Variants in NSUN2 observed in about 807,000 individuals in gnomAD.
NSUN2 encodes the protein RNA cytosine C(5)-methyltransferase NSUN2.
A neutral mutation model predicts 92.7 loss-of-function variants in NSUN2; 63 were observed. The observed-to-expected ratio is 0.68, with a 90% confidence interval of 0.56 to 0.84. The LOEUF (loss-of-function observed/expected upper bound fraction) is 0.84, where lower values mean the gene tolerates loss of function less well. Ranked by LOEUF, NSUN2 falls within the 40% of genes least tolerant of loss-of-function variation. NSUN2 has a pLI of 0.00. For synonymous variants in NSUN2, 356 were observed against 348.3 expected (o/e 1.02, Z -0.25); for missense variants, 989 against 964.9 (o/e 1.02, Z -0.33).
At chr5:6,622,955 T>C (rs1737509441) in intron 5 of NSUN2, among the ~76,000 whole-genome samples, 1 of 145,466 alleles carries the variant, frequency 6.9e-6, no homozygotes, top group Admixed American at 7.0e-5. Context: ...CCAATCACCA[T>C]CACTGAAGAC....
intron 9 of NSUN2, among the ~76,000 whole-genome samples, chr5:6,614,531 A>C (rs1048377613): frequency 3.3e-5 from 5 of 152,156 alleles, no homozygotes; most frequent in African/African-American, 9.7e-5. Context: ...GGTTTTCAGG[A>C]GAATGATGGT....
At position 6,620,565 on chromosome 5, in the gene NSUN2, A is replaced by G. The variant is rs1737395378; in HGVS notation, c.623-267T>C. 3 of 327,308 alleles carry G rather than the reference A, an allele frequency of 9.2e-6. No homozygotes were observed. In the East Asian group the frequency reaches 1.5e-4, roughly 16 times the overall value. The allele number at this position is 327,308 out of a possible 1,614,324, so 20.3% of individuals were successfully genotyped here. A position where few individuals can be genotyped will look rare whatever the true frequency, so the allele number is the denominator to read the frequency against. ...CTTTGTGCCAATTACCATGCCAAAA[A>G]TGTCTTTTCTGTTATTAGTAACGAT... On this transcript the variant is annotated intron_variant, in intron 6 of 18. Transcript: ENST00000264670.
At chr5:6,607,473 C>CATCAGTT in intron 12 of NSUN2, 89 bp from the exon 13 acceptor site, 1 of 1,133,934 alleles carries the variant, frequency 8.8e-7, no homozygotes, top group South Asian at 1.6e-5. Flanking sequence ...TCACAAAATC[C>CATCAGTT]ATCAGTTATA....
intron 14 of NSUN2, 37 bp downstream of exon 14, chr5:6,606,783 T>G: frequency 8.6e-7 from 1 of 1,168,902 alleles, no homozygotes; most frequent in African/African-American, 1.5e-5. Context: ...TATAGTAAAT[T>G]TCTTTAAATG....
intron 9 of NSUN2, among the ~76,000 whole-genome samples, chr5:6,612,279 ACCAGG>A (rs1737029232): frequency 1.3e-5 from 2 of 152,204 alleles, no homozygotes; most frequent in African/African-American, 4.8e-5. Context: ...TCCAATGCAC[ACCAGG>A]GCGATGCTGC....
In NSUN2 at chr5:6,617,941, T is replaced by C. The variant is rs752494705; in HGVS notation, c.890+9A>G. 1.2e-6 allele frequency: 2 copies of C among 1,608,916 alleles called. No individual in the cohort carries two copies. The highest frequency in any genetic ancestry group is 1.7e-6 in the Non-Finnish European group (2 of 1,175,564). On this transcript the variant is annotated intron_variant, in intron 8 of 18. Transcript: ENST00000264670. ...CACACAGTGTTAGCAGTGATGAAGTTTTACTTACCCATGTAGCTGCAAGCT... is the reference window on the plus strand; with the variant it reads ...CACACAGTGTTAGCAGTGATGAAGTCTTACTTACCCATGTAGCTGCAAGCT...
chr5:6,632,809 C>T (rs779809429), intron 1 of NSUN2, 53 bp from the exon 2 acceptor site: 25 of 1,580,062 alleles, frequency 1.6e-5, no homozygotes, highest in Non-Finnish European at 2.1e-5. Flanking sequence ...GCCCCCTCGC[C>T]GCCGCCTCGC....
At chr5:6,615,024 A>T (rs946966953) in intron 9 of NSUN2, among the ~76,000 whole-genome samples, 5 of 152,140 alleles carry the variant, frequency 3.3e-5, no homozygotes, top group Non-Finnish European at 5.9e-5. Context: ...GGAGAGTAGC[A>T]AATGCTTAAA....
At chr5:6,618,218 T>C (rs1205713577) in intron 7 of NSUN2, among the ~76,000 whole-genome samples, 194 bp from the exon 8 acceptor site, 1 of 152,232 alleles carries the variant, frequency 6.6e-6, no homozygotes, top group Non-Finnish European at 1.5e-5. Context: ...TAGTTTTAAA[T>C]TATACTTCAA....
intron 3 of NSUN2, among the ~76,000 whole-genome samples, chr5:6,627,580 C>A (rs1004735160): frequency 6.6e-6 from 1 of 152,162 alleles, no homozygotes; most frequent in Non-Finnish European, 1.5e-5. Flanking sequence ...CGTACTATTA[C>A]AAGATTAAAA....
rs202003357 is a variant in NSUN2 at position 6,632,570 on chromosome 5, T to C, written c.254+29A>G. ...TAACCTCCAGCATCCTGGCCCCAAC[T>C]CCCAAAAAATCAGGCACTGCCTCCC... On this transcript the variant is annotated intron_variant, in intron 2 of 18. Coordinates refer to ENST00000264670, the MANE Select transcript of NSUN2 (RefSeq NM_017755.6). 8 of 1,610,790 alleles carry C rather than the reference T, an allele frequency of 5.0e-6. No individual in the cohort carries two copies. The East Asian group carries it at 1.6e-4, about 31-fold the overall frequency.
intron 18 of NSUN2, among the ~76,000 whole-genome samples, chr5:6,601,356 G>A (rs1438145610): frequency 6.6e-6 from 1 of 151,994 alleles, no homozygotes; most frequent in Non-Finnish European, 1.5e-5. Flanking sequence ...AAAACACCCA[G>A]AAGCCATCAA....
intron 15 of NSUN2, 125 bp from the exon 16 acceptor site, chr5:6,604,810 G>A (rs915048111): frequency 1.7e-5 from 13 of 749,514 alleles, no homozygotes; most frequent in Admixed American, 1.2e-4. Flanking sequence ...GAAACCCACC[G>A]AGAAACCCCG....
chr5:6,605,278 T>C lies in NSUN2; in HGVS notation c.1732A>G (p.Met578Val). The C allele has an allele frequency of 6.2e-7, 1 of 1,614,078 alleles. No individual in the cohort carries two copies. The highest frequency in any genetic ancestry group is 8.5e-7 in the Non-Finnish European group (1 of 1,179,954). ...AGCGTCTGTGCGGCTGGCACCTTCA[T>C]CTTCTCACTGTTATTCAGCAGCACA... ...RNVLLNNSEK[M>V]KVINTGIKVW... The change falls in exon 15 of 19, where the codon ATG becomes GTG. Residue 578 changes from methionine to valine, a missense_variant. Met to Val is a conservative substitution (Grantham distance 21). Coordinates refer to ENST00000264670, the MANE Select transcript of NSUN2 (RefSeq NM_017755.6).
intron 1 of NSUN2, 39 bp from the exon 2 acceptor site, chr5:6,632,795 A>C (rs567886395): frequency 4.9e-5 from 79 of 1,599,718 alleles, no homozygotes; most frequent in Non-Finnish European, 6.2e-5. Flanking sequence ...AGGCCCAAGG[A>C]GCCGCCCCCT....
At chr5:6,604,948 G>A (rs988653097) in intron 15 of NSUN2, 93 of 596,898 alleles carry the variant, frequency 1.6e-4, no homozygotes, top group South Asian at 8.6e-4. Flanking sequence ...CCCAAGGGTC[G>A]GGGCAGCAGT....
rs376857972 is a variant in NSUN2, at chr5:6,610,972, G to A, written c.1209C>T (p.Ala403=). ...CAGCTCACCATCGCTCCAGGTGCATGGCCTGCAGCTTTTCTGGGTCCTTCG... is the reference window on the plus strand; with the variant it reads ...CAGCTCACCATCGCTCCAGGTGCATAGCCTGCAGCTTTTCTGGGTCCTTCG... The part of the protein sequence containing the change: ...FPPKDPEKLQ[A]MHLERCLRIL... Residue 403 remains alanine (A), a synonymous_variant, in exon 11 of 19, where the codon GCC becomes GCT. Coordinates refer to ENST00000264670, the MANE Select transcript of NSUN2 (RefSeq NM_017755.6). 1.9e-6 allele frequency: 3 copies of A among 1,614,002 alleles called. No individual in the cohort carries two copies. In the African/African-American group the frequency reaches 4.0e-5, roughly 22 times the overall value.
Position 6,604,719 on chromosome 5 carries a change from G to C in NSUN2, c.1738-34C>G, listed in dbSNP as rs1579355044. ...AAAAAAATAAGATGAAACACAGAGA[G>C]ATGAAGACAGGACCATCTCCTGTAA... On this transcript the variant is annotated intron_variant, in intron 15 of 18. Coordinates refer to ENST00000264670, the MANE Select transcript of NSUN2 (RefSeq NM_017755.6). The C allele has an allele frequency of 3.2e-6, 5 of 1,548,372 alleles. No homozygotes were observed. In the East Asian group the frequency reaches 1.1e-4, roughly 35 times the overall value.
At chr5:6,616,270 G>A (rs116579864) in intron 9 of NSUN2, among the ~76,000 whole-genome samples, 1,773 of 152,294 alleles carry the variant, frequency 0.012, 23 homozygotes, top group Non-Finnish European at 0.018. Context: ...ATCAACAGAT[G>A]GATGGGTAAA....
Sources: gnomAD v4.1 joint callset for allele counts (sites outside exome capture counted in the v4.1 genomes callset) on GRCh38, gnomAD v4.1.1 for gene constraint, MANE v1.5 for transcripts, NCBI Gene and HGNC (gene_info 2026-07-23, HGNC 2026-07-21) for gene names.